The following HK2 variants were observed in gnomAD, a reference collection of about 807,000 sequenced individuals.
HK2 encodes the protein hexokinase 2.
HK2 carries 42 observed loss-of-function variants against 92.9 expected under a neutral mutation model. The observed-to-expected ratio is 0.45, with a 90% CI of 0.35 to 0.58. HK2 has a LOEUF of 0.58. HK2 is among the 20% of genes least tolerant of loss of function. The pLI is 0.00. For synonymous variants in HK2, 422 were observed against 468.0 expected (o/e 0.90, Z 1.27); for missense variants, 978 against 1,245.1 (o/e 0.79, Z 3.23).
intron 4 of HK2, among the ~76,000 whole-genome samples, 189 bp from the exon 5 acceptor site, chr2:74,873,087 A>G (rs768625502): frequency 2.8e-4 from 42 of 152,250 alleles, no homozygotes; most frequent in Non-Finnish European, 5.7e-4. Flanking sequence ...TATGCGGCAC[A>G]TGACTGTGTC....
intron 2 of HK2, among the ~76,000 whole-genome samples, chr2:74,864,249 C>T (rs1002819746): frequency 6.6e-6 from 1 of 152,170 alleles, no homozygotes; most frequent in African/African-American, 2.4e-5. Flanking sequence ...AAAGAAAGTC[C>T]TTGGCAATGG....
intron 2 of HK2, among the ~76,000 whole-genome samples, chr2:74,856,185 T>C (rs547652900): frequency 1.5e-4 from 23 of 152,252 alleles, no homozygotes; most frequent in African/African-American, 5.5e-4. Context: ...GGGTCAGGGC[T>C]TGTTAATGCC....
At chr2:74,873,079 T>A (rs760535881) in intron 4 of HK2, among the ~76,000 whole-genome samples, 197 bp from the exon 5 acceptor site, 1 of 152,256 alleles carries the variant, frequency 6.6e-6, no homozygotes, top group Non-Finnish European at 1.5e-5. Flanking sequence ...AACATTGTTA[T>A]GCGGCACATG....
chr2:74,867,948 T>TGAGAGG, intron 3 of HK2, 164 bp downstream of exon 3: 1 of 778,704 alleles, frequency 1.3e-6, no homozygotes, highest in Non-Finnish European at 2.3e-6. Context: ...GAGCTCAGGC[T>TGAGAGG]GTTCTGGTTG....
chr2:74,837,292 C>G (rs1186554537), intron 1 of HK2, among the ~76,000 whole-genome samples: 3 of 152,246 alleles, frequency 2.0e-5, no homozygotes, highest in Non-Finnish European at 4.4e-5. Flanking sequence ...TTGCCTGTCT[C>G]TGGGGAATGT....
At chr2:74,858,668 G>A (rs1248631650) in intron 2 of HK2, among the ~76,000 whole-genome samples, 1 of 152,168 alleles carries the variant, frequency 6.6e-6, no homozygotes, top group Non-Finnish European at 1.5e-5. Context: ...GAGCAGGTGT[G>A]AGGGTTCATC....
chr2:74,889,545 T>C, intron 17 of HK2, 67 bp downstream of exon 17: 2 of 1,069,188 alleles, frequency 1.9e-6, no homozygotes, highest in Non-Finnish European at 2.8e-6. Context: ...CTTTTCTTTC[T>C]CTCTTTCCTT....
chr2:74,877,137 TTA>T (rs543990926), intron 7 of HK2, 27 bp from the exon 8 acceptor site: 5 of 1,612,930 alleles, frequency 3.1e-6, no homozygotes, highest in South Asian at 2.2e-5. Flanking sequence ...AGTGGGGACT[TTA>T]TGTTTTTGGT....
intron 12 of HK2, among the ~76,000 whole-genome samples, chr2:74,885,191 C>T (rs1404738719): frequency 6.6e-6 from 1 of 152,196 alleles, no homozygotes; most frequent in African/African-American, 2.4e-5. Flanking sequence ...TTGAGCAAGT[C>T]ACTCCAGAGC....
rs150815590 is a variant in HK2 at position 74,881,847 on chromosome 2, C to T, written c.1707C>T (p.Gly569=). 1 of 1,614,194 alleles carries T rather than the reference C, an allele frequency of 6.2e-7. No individual in the cohort carries two copies. The highest frequency in any genetic ancestry group is 1.3e-5 in the African/African-American group (1 of 75,076). ...CCATCCCGCAGGAGGTCATGCACGG[C>T]ACCGGGGACGAGGTGAGCAGGGCGG... is the stretch of plus-strand genomic sequence containing the variant. ...IYAIPQEVMH[G]TGDELFDHIV... The change falls in exon 11 of 18, where the codon GGC becomes GGT. Residue 569 remains glycine, a synonymous_variant. Transcript: ENST00000290573.
intron 2 of HK2, 77 bp from the exon 3 acceptor site, chr2:74,867,559 A>T: frequency 6.5e-7 from 1 of 1,538,778 alleles, no homozygotes; most frequent in Non-Finnish European, 9.0e-7. Context: ...TCCTGGAGGG[A>T]CTTGGAGTTT....
At chr2:74,871,743 A>T (rs1689103863) in intron 3 of HK2, among the ~76,000 whole-genome samples, 3 of 152,236 alleles carry the variant, frequency 2.0e-5, no homozygotes, top group African/African-American at 7.2e-5. Flanking sequence ...TCTAGAATGG[A>T]GAAAAAAATA....
At chr2:74,840,962 A>G (rs1025450447) in intron 1 of HK2, among the ~76,000 whole-genome samples, 1 of 150,676 alleles carries the variant, frequency 6.6e-6, no homozygotes, top group Non-Finnish European at 1.5e-5. Flanking sequence ...ACACGTCTTC[A>G]TATCACACTC....
intron 16 of HK2, among the ~76,000 whole-genome samples, chr2:74,888,644 T>C (rs1689597992): frequency 6.6e-6 from 1 of 152,136 alleles, no homozygotes; most frequent in South Asian, 2.1e-4. Flanking sequence ...CTGATGTGAG[T>C]AGACCCCTCG....
intron 1 of HK2, among the ~76,000 whole-genome samples, chr2:74,842,955 C>T (rs914969842): frequency 1.1e-4 from 16 of 152,224 alleles, no homozygotes; most frequent in Non-Finnish European, 1.8e-4. Context: ...AGAGCAGAGG[C>T]TTCAGAGGGC....
At position 74,877,045 on chromosome 2, in the gene HK2, C is replaced by T. The variant is rs985285919; in HGVS notation, c.876-121C>T. On this transcript the variant is annotated intron_variant, in intron 7 of 17. Transcript: ENST00000290573. ...CTCTCCACGTATCTTACTCCTGGGC[C>T]GTGCTGCACACATTAACCCTTAGTT... The T allele has an allele frequency of 4.0e-4, 534 of 1,330,598 alleles. 3 individuals carry two copies. Among genetic ancestry groups the T allele is most frequent in the Non-Finnish European group, 9.2e-5 (86 of 938,646 alleles). The allele number at this position is 1,330,598 out of a possible 1,614,324, so 82.4% of individuals were successfully genotyped here.
intron 1 of HK2, among the ~76,000 whole-genome samples, chr2:74,852,920 A>G (rs1211705283): frequency 6.6e-6 from 1 of 152,218 alleles, no homozygotes; most frequent in East Asian, 1.9e-4. Flanking sequence ...ACAAGCAGAC[A>G]TTGTTCTAGC....
At chr2:74,865,758 T>C (rs2103928950) in intron 2 of HK2, among the ~76,000 whole-genome samples, 1 of 152,182 alleles carries the variant, frequency 6.6e-6, no homozygotes, top group South Asian at 2.1e-4. Flanking sequence ...TCCAGTGACT[T>C]TTCTTGGACA....
In HK2 at chr2:74,887,877, CTCCATGA is replaced by C. The variant is rs1269339030; in HGVS notation, c.2220-25_2220-19del. On this transcript the variant is annotated intron_variant, in intron 15 of 17. Coordinates refer to ENST00000290573, the MANE Select transcript of HK2 (RefSeq NM_000189.5). Reference sequence around the variant, plus strand: ...ACATCCCTCCACCTTCCTACTTAACCTCCATGAATGTTACTTGCATTGCAGGTTCGAG... The same window carrying C: ...ACATCCCTCCACCTTCCTACTTAACCATGTTACTTGCATTGCAGGTTCGAG... The C allele has an allele frequency of 3.7e-6, 6 of 1,612,052 alleles. No individual in the cohort carries two copies. Among genetic ancestry groups the C allele is most frequent in the African/African-American group, 1.3e-5 (1 of 74,990 alleles).
Sources: allele counts gnomAD v4.1 joint callset (sites outside exome capture counted in the v4.1 genomes callset), GRCh38; gene constraint gnomAD v4.1.1; transcripts MANE v1.5; gene names NCBI Gene and HGNC (gene_info 2026-07-23, HGNC 2026-07-21).